Variants in BRWD1 observed in about 807,000 individuals in gnomAD.
The protein encoded by BRWD1 is bromodomain and WD repeat-containing protein 1.
A neutral mutation model predicts 251.2 loss-of-function variants in BRWD1; 82 were observed. The observed-to-expected ratio is 0.33, with a 90% CI of 0.27 to 0.39. BRWD1 has a LOEUF of 0.39. Ranked by LOEUF, BRWD1 falls within the 10% of genes least tolerant of loss-of-function variation. The pLI, the probability that BRWD1 is intolerant of heterozygous loss-of-function variation, is 1.00. For synonymous variants in BRWD1, 918 were observed against 902.8 expected (o/e 1.02, Z -0.30); for missense variants, 2,233 against 2,711.6 (o/e 0.82, Z 3.92).
chr21:39,283,224 T>C (rs992007631), intron 8 of BRWD1, among the ~76,000 whole-genome samples: 4 of 152,184 alleles, frequency 2.6e-5, no homozygotes, highest in African/African-American at 9.7e-5. Context: ...ATGAGCTTGA[T>C]TGGCTGGCAC....
chr21:39,314,446 G>C (rs1331141231), upstream of BRWD1: 3 of 409,472 alleles, frequency 7.3e-6, no homozygotes, highest in Non-Finnish European at 1.5e-5. Context: ...GTGGGGAGAG[G>C]GTGGTGCAGA....
At chr21:39,242,850 A>G (rs1038917788) in intron 21 of BRWD1, among the ~76,000 whole-genome samples, 1 of 152,210 alleles carries the variant, frequency 6.6e-6, no homozygotes, top group African/African-American at 2.4e-5. Context: ...AGCATCATTT[A>G]CAGCATGGTT....
chr21:39,298,144 G>A (rs1427083038), intron 5 of BRWD1: 1 of 1,055,036 alleles, frequency 9.5e-7, no homozygotes, highest in African/African-American at 1.7e-5. Context: ...GCTACAAAAT[G>A]GAAAATTAAG....
chr21:39,232,105 A>G, intron 25 of BRWD1, 72 bp downstream of exon 25: 1 of 1,192,608 alleles, frequency 8.4e-7, no homozygotes, highest in Non-Finnish European at 1.2e-6. Context: ...ACAGGTTTTT[A>G]AATAGATTTG....
Position 39,249,915 on chromosome 21 carries a change from GGTGTGTGTGTGTGTGT to G in BRWD1, c.2349+865_2349+880del, listed in dbSNP as rs368656743. 1.0e-4 allele frequency among the ~76,000 whole-genome samples: 7 copies of G among 68,618 alleles called. No individual in the cohort carries two copies. The East Asian group carries it at 1.3e-3, about 13-fold the overall frequency. The allele number at this position is 68,618 out of a possible 152,430, so 45.0% of individuals were successfully genotyped here. On this transcript the variant is annotated intron_variant, in intron 20 of 40. Transcript: ENST00000342449. The stretch of plus-strand genomic sequence containing the variant: ...GAACCAAGATCAAAAAAAGAAGGGG[GGTGTGTGTGTGTGTGT>G]GTGTGTGTGTGTGTGTGTGTGTGTG...
At chr21:39,266,607 G>C (rs2034930165) in intron 15 of BRWD1, among the ~76,000 whole-genome samples, 1 of 152,182 alleles carries the variant, frequency 6.6e-6, no homozygotes, top group East Asian at 1.9e-4. Context: ...TTCTCAAGTG[G>C]GCAGACCTAT....
At chr21:39,310,537 G>C (rs1345770836) in intron 4 of BRWD1, among the ~76,000 whole-genome samples, 1 of 152,160 alleles carries the variant, frequency 6.6e-6, no homozygotes, top group South Asian at 2.1e-4. Flanking sequence ...TGAGGCAGGA[G>C]GATCACTTGA....
intron 4 of BRWD1, among the ~76,000 whole-genome samples, chr21:39,306,348 T>C (rs555685193): frequency 4.6e-5 from 7 of 152,182 alleles, no homozygotes; most frequent in Non-Finnish European, 1.0e-4. Context: ...GGATTACAAG[T>C]GTGAGCCACC....
chr21:39,313,389 A>C, intron 1 of BRWD1, 54 bp downstream of exon 1: 1 of 1,422,274 alleles, frequency 7.0e-7, no homozygotes, highest in Non-Finnish European at 9.3e-7. Context: ...GGAGCCGGGG[A>C]AGCCGAAGCA....
intron 35 of BRWD1, 93 bp downstream of exon 35, chr21:39,210,693 G>A (rs2146494175): frequency 1.4e-6 from 2 of 1,402,516 alleles, no homozygotes; most frequent in Non-Finnish European, 1.9e-6. Context: ...CATAAAGCCT[G>A]GGTATCTTTC....
intron 38 of BRWD1, among the ~76,000 whole-genome samples, chr21:39,201,570 G>A (rs2032110766): frequency 2.0e-5 from 3 of 152,094 alleles, no homozygotes; most frequent in African/African-American, 7.2e-5. Flanking sequence ...TCTCATAGTT[G>A]CTACTAGGCT....
rs186920008 is a variant in BRWD1, at chr21:39,253,077, G to A, written c.2256-2188C>T. Among the ~76,000 whole-genome samples, 27 of 152,176 alleles carry A rather than the reference G, an allele frequency of 1.8e-4. 1 individual carries two copies. The highest frequency in any genetic ancestry group is 9.8e-4 in the Admixed American group (15 of 15,274). On this transcript the variant is annotated intron_variant, in intron 19 of 40. Transcript: ENST00000342449. The stretch of plus-strand genomic sequence containing the variant: ...GGCCGAGGCAGGTGGATCACCTGAG[G>A]ACAGGAGTTTGAGACCAGCCTGGCC...
At chr21:39,263,435 A>G (rs968771971) in intron 17 of BRWD1, among the ~76,000 whole-genome samples, 1 of 152,196 alleles carries the variant, frequency 6.6e-6, no homozygotes, top group Admixed American at 6.5e-5. Context: ...AGTGACTGAA[A>G]AAGTGTAAGG....
At chr21:39,235,623 C>G in intron 23 of BRWD1, 1 of 222,580 alleles carries the variant, frequency 4.5e-6, no homozygotes, top group Middle Eastern at 6.1e-4. Flanking sequence ...GTCAAAATCT[C>G]TAGGAGAAAA....
chr21:39,314,036 G>C (rs1040403779), upstream of BRWD1: 5 of 455,500 alleles, frequency 1.1e-5, no homozygotes, highest in African/African-American at 1.0e-4. Context: ...GGGGCCCCGA[G>C]TCGCGGGTTG....
intron 36 of BRWD1, among the ~76,000 whole-genome samples, chr21:39,207,451 AACACACACACACAC>A (rs58765400): frequency 2.3e-5 from 3 of 131,316 alleles, no homozygotes; most frequent in East Asian, 2.1e-4. Context: ...AAAAAAAGAA[AACACACACACACAC>A]ACACACACAC....
Position 39,250,874 on chromosome 21 carries a change from G to T in BRWD1, c.2271C>A (p.Phe757Leu). 1 of 1,593,824 alleles carries T rather than the reference G, an allele frequency of 6.3e-7. No homozygotes were observed. Among genetic ancestry groups the T allele is most frequent in the South Asian group, 1.1e-5 (1 of 87,136 alleles). Residue 757 changes from phenylalanine to leucine, a missense_variant, in exon 20 of 41, where the codon TTC (phenylalanine) becomes TTA (leucine). Physicochemically the swap from Phe to Leu is conservative, Grantham distance 22. Around this residue, in one of 12 missense-constraint regions of BRWD1, gnomAD observed 214 missense variants for 222.0 expected, o/e 0.96. Transcript: ENST00000342449. The part of the protein sequence containing the change: ...PLGIFRKLED[F>L]RLEKGEEERN... ...TTTCCTCTTCACCTTTCTCTAATCG[G>T]AAGTCTTCCAGCTTCCTACAAATTT... is the stretch of plus-strand genomic sequence containing the variant.
intron 38 of BRWD1, among the ~76,000 whole-genome samples, chr21:39,200,990 AAATT>A (rs574765864): frequency 2.9e-3 from 434 of 152,276 alleles, no homozygotes; most frequent in African/African-American, 0.01. Context: ...TCTCAAAAAT[AAATT>A]AGTTAAATTA....
chr21:39,185,285 C>T (rs2031150631), downstream of BRWD1: 1 of 59,962 alleles, frequency 1.7e-5, no homozygotes, highest in Non-Finnish European at 3.5e-5. Flanking sequence ...TTTCATTACA[C>T]TGAAATTGCT....
Sources: allele counts gnomAD v4.1 joint callset (sites outside exome capture counted in the v4.1 genomes callset), GRCh38; gene constraint gnomAD v4.1.1; regional missense constraint gnomAD v4.1.1; transcripts MANE v1.5; gene names NCBI Gene and HGNC (gene_info 2026-07-23, HGNC 2026-07-21).